Variants in ARB2A observed in about 807,000 individuals in gnomAD.
ARB2A encodes cotranscriptional regulator ARB2A.
the ARB2A span, among the ~76,000 whole-genome samples, chr5:93,967,985 G>A: frequency 6.6e-6 from 1 of 151,870 alleles, no homozygotes; most frequent in Non-Finnish European, 1.5e-5. Flanking sequence ...AAAAAACAAA[G>A]ACAATAGAGG....
chr5:94,048,905 G>C, the ARB2A span, among the ~76,000 whole-genome samples: 1 of 152,160 alleles, frequency 6.6e-6, no homozygotes. Flanking sequence ...TCTTTGCTCA[G>C]AGATATACAG....
chr5:93,935,703 C>A, the ARB2A span, among the ~76,000 whole-genome samples: 2 of 152,108 alleles, frequency 1.3e-5, no homozygotes, highest in African/African-American at 4.8e-5. Context: ...ACACAAAGTA[C>A]CAGTTATCTA....
the ARB2A span, among the ~76,000 whole-genome samples, chr5:93,814,523 A>C: frequency 6.6e-6 from 1 of 152,196 alleles, no homozygotes; most frequent in Non-Finnish European, 1.5e-5. Context: ...TCATCTATAC[A>C]AATGGTTTTT....
chr5:93,776,722 G>A, the ARB2A span, among the ~76,000 whole-genome samples: 1 of 152,142 alleles, frequency 6.6e-6, no homozygotes, highest in Admixed American at 6.5e-5. Context: ...AGGTTGCAGT[G>A]AGCTGAGAGC....
chr5:93,968,049 CA>C, the ARB2A span, among the ~76,000 whole-genome samples: 1 of 152,042 alleles, frequency 6.6e-6, no homozygotes, highest in Non-Finnish European at 1.5e-5. Flanking sequence ...GCAGCTAAAG[CA>C]AACAATAAAC....
At chr5:93,793,632 G>T in the ARB2A span, among the ~76,000 whole-genome samples, 1 of 152,082 alleles carries the variant, frequency 6.6e-6, no homozygotes, top group Non-Finnish European at 1.5e-5. Context: ...GATCAGGGAA[G>T]GTAATGGTTA....
At chr5:94,040,346 G>A in the ARB2A span, among the ~76,000 whole-genome samples, 6 of 151,800 alleles carry the variant, frequency 4.0e-5, no homozygotes, top group African/African-American at 7.3e-5. Flanking sequence ...ACAAGCAGCC[G>A]CCTGAACTTT....
the ARB2A span, among the ~76,000 whole-genome samples, chr5:93,842,554 C>A: frequency 1.3e-5 from 2 of 151,576 alleles, no homozygotes; most frequent in Non-Finnish European, 2.9e-5. Context: ...ACTAGGAGAA[C>A]AAGGAAGGAA....
At chr5:93,805,970 C>T in the ARB2A span, 1 of 979,734 alleles carries the variant, frequency 1.0e-6, no homozygotes, top group Non-Finnish European at 1.2e-6. Context: ...GAGCTCTCCT[C>T]CACTCATGAG....
At chr5:94,051,633 A>G in the ARB2A span, among the ~76,000 whole-genome samples, 1 of 152,182 alleles carries the variant, frequency 6.6e-6, no homozygotes, top group Non-Finnish European at 1.5e-5. Flanking sequence ...CGTGATGCAT[A>G]CAGGTAACCT....
the ARB2A span, among the ~76,000 whole-genome samples, chr5:93,994,746 A>C: frequency 6.6e-6 from 1 of 152,006 alleles, no homozygotes; most frequent in East Asian, 1.9e-4. Flanking sequence ...CTATAAAAAA[A>C]TAGAAAAAAA....
At chr5:93,712,853 C>G in the ARB2A span, among the ~76,000 whole-genome samples, 2 of 152,024 alleles carry the variant, frequency 1.3e-5, no homozygotes, top group African/African-American at 4.8e-5. Context: ...GGCATAAAAA[C>G]AGACACATAG....
At chr5:93,770,112 C>T in the ARB2A span, among the ~76,000 whole-genome samples, 2 of 152,098 alleles carry the variant, frequency 1.3e-5, no homozygotes, top group Admixed American at 1.3e-4. Context: ...AATAGATGCT[C>T]TTAAACCCGA....
At chr5:93,975,316 CAA>C in the ARB2A span, among the ~76,000 whole-genome samples, 13 of 61,856 alleles carry the variant, frequency 2.1e-4, no homozygotes, top group Non-Finnish European at 2.5e-4. Flanking sequence ...GACTCCATCT[CAA>C]AAAAAAAAAA....
At chr5:93,925,805 G>GA in the ARB2A span, among the ~76,000 whole-genome samples, 2 of 152,026 alleles carry the variant, frequency 1.3e-5, no homozygotes, top group African/African-American at 2.4e-5. Flanking sequence ...CAGTTAATAA[G>GA]AAAAAAATCT....
the ARB2A span, among the ~76,000 whole-genome samples, chr5:93,634,043 G>C: frequency 6.6e-6 from 1 of 152,110 alleles, no homozygotes; most frequent in East Asian, 1.9e-4. Context: ...GATTACAGTC[G>C]TGAACCACTG....
the ARB2A span, among the ~76,000 whole-genome samples, chr5:93,935,634 A>C: frequency 3.9e-5 from 6 of 152,222 alleles, no homozygotes; most frequent in Non-Finnish European, 8.8e-5. Flanking sequence ...GCAGTGTACT[A>C]AGAAACTCAA....
At chr5:93,931,151 C>A in the ARB2A span, among the ~76,000 whole-genome samples, 2 of 152,210 alleles carry the variant, frequency 1.3e-5, no homozygotes, top group Middle Eastern at 6.8e-3. Context: ...CATGTCCCTG[C>A]AAAGGACATG....
the ARB2A span, among the ~76,000 whole-genome samples, chr5:94,070,051 G>C: frequency 6.6e-6 from 1 of 152,112 alleles, no homozygotes; most frequent in Non-Finnish European, 1.5e-5. Flanking sequence ...TCCATCAACA[G>C]ATGAATGGAT....
Sources: allele counts gnomAD v4.1 joint callset (sites outside exome capture counted in the v4.1 genomes callset), GRCh38; gene constraint gnomAD v4.1.1; transcripts MANE v1.5; gene names NCBI Gene and HGNC (gene_info 2026-07-23, HGNC 2026-07-21).